The following CDH4 variants were observed in gnomAD, a reference collection of about 807,000 sequenced individuals.
CDH4 encodes cadherin 4.
Under a neutral mutation model 86.0 loss-of-function variants are expected in CDH4, and 33 were observed. The observed-to-expected ratio is 0.38, with a 90% CI of 0.29 to 0.51. The LOEUF (loss-of-function observed/expected upper bound fraction) is 0.51. Among genes scored for constraint, CDH4 ranks in the 20% least tolerant of loss-of-function variants. The probability of loss-of-function intolerance (pLI) is 0.86; values close to 1 mark genes in which losing one functional copy is unlikely to be tolerated. For synonymous variants in CDH4, 555 were observed against 549.4 expected (o/e 1.01, Z -0.14); for missense variants, 1,114 against 1,307.4 (o/e 0.85, Z 2.28).
At chr20:61,349,131 T>C (rs78697678) in intron 2 of CDH4, among the ~76,000 whole-genome samples, 5,203 of 152,332 alleles carry the variant, frequency 0.034, 226 homozygotes, top group African/African-American at 0.095. Context: ...ACAGAGTTCC[T>C]GTCTATATGG....
intron 8 of CDH4, among the ~76,000 whole-genome samples, chr20:61,907,707 G>A (rs935870518): frequency 7.2e-5 from 11 of 152,322 alleles, no homozygotes; most frequent in African/African-American, 2.6e-4. Context: ...GCGTCTCCAG[G>A]CCTCCCCGGG....
At chr20:61,344,821 G>A (rs1485976505) in intron 2 of CDH4, among the ~76,000 whole-genome samples, 1 of 152,172 alleles carries the variant, frequency 6.6e-6, no homozygotes, top group African/African-American at 2.4e-5. Flanking sequence ...GCTTTCCTAA[G>A]ATTAAAATTG....
intron 4 of CDH4, among the ~76,000 whole-genome samples, chr20:61,836,688 C>CTA (rs1568841701): frequency 1.6e-4 from 25 of 151,968 alleles, no homozygotes; most frequent in Non-Finnish European, 3.5e-4. Context: ...AAGTGAGAAC[C>CTA]CTTACTTGGC....
rs548303577 is a variant in CDH4, at chr20:61,254,690, G to T, written c.58-136G>T. ...AGCAGAGGAGCAGACGGGGTATCGCGTCTGGGTGGAGACGGTGGCCTGCCA... is the reference window on the plus strand; with the variant it reads ...AGCAGAGGAGCAGACGGGGTATCGCTTCTGGGTGGAGACGGTGGCCTGCCA... On this transcript the variant is annotated intron_variant, in intron 1 of 15. Transcript: ENST00000614565. The T allele has an allele frequency of 7.3e-6, 5 of 684,090 alleles. No homozygotes were observed. In the South Asian group the frequency reaches 8.4e-5, roughly 12 times the overall value. The allele number at this position is 684,090 out of a possible 1,614,324, so 42.4% of individuals were successfully genotyped here. A position where few individuals can be genotyped will look rare whatever the true frequency, so the allele number is the denominator to read the frequency against.
chr20:61,539,074 G>A (rs570007148), intron 2 of CDH4, among the ~76,000 whole-genome samples: 10 of 152,282 alleles, frequency 6.6e-5, no homozygotes, highest in Non-Finnish European at 1.5e-5. Flanking sequence ...GATCCGCAGC[G>A]GGTCAGGTGG....
intron 2 of CDH4, among the ~76,000 whole-genome samples, chr20:61,351,431 T>C (rs2084711895): frequency 6.6e-6 from 1 of 152,178 alleles, no homozygotes; most frequent in Non-Finnish European, 1.5e-5. Flanking sequence ...GCATGCACGG[T>C]GGTAGGTCTT....
At chr20:61,924,582 C>A in intron 11 of CDH4, 106 bp downstream of exon 11, 1 of 1,290,192 alleles carries the variant, frequency 7.8e-7, no homozygotes, top group Non-Finnish European at 1.1e-6. Context: ...GGCCAGCAGG[C>A]ATCCAGAGGG....
intron 2 of CDH4, among the ~76,000 whole-genome samples, chr20:61,515,814 C>T (rs2085814591): frequency 1.3e-5 from 2 of 152,168 alleles, no homozygotes; most frequent in Non-Finnish European, 2.9e-5. Flanking sequence ...CGGAAATCTA[C>T]TCTCCTAGCT....
At position 61,933,019 on chromosome 20, in the gene CDH4, G is replaced by T. The variant is rs772628832; in HGVS notation, c.2274G>T (p.Arg758=). ...MVLLFVMWMK[R]REKERHTKQL... ...TGCTGTTTGTCATGTGGATGAAGCG[G>T]CGAGAGAAGGAGCGCCACACGAAGC... The change falls in exon 14 of 16, where the codon CGG becomes CGT. Residue 758 remains arginine (R), a synonymous_variant. Transcript: ENST00000614565. 1 of 1,613,206 alleles carries T rather than the reference G, an allele frequency of 6.2e-7. No homozygotes were observed. Among genetic ancestry groups the T allele is most frequent in the East Asian group, 2.2e-5 (1 of 44,886 alleles).
At chr20:61,520,737 C>T (rs2085862925) in intron 2 of CDH4, among the ~76,000 whole-genome samples, 1 of 152,182 alleles carries the variant, frequency 6.6e-6, no homozygotes. Context: ...CCAAGGCTTC[C>T]AGGCCCCGGA....
intron 8 of CDH4, among the ~76,000 whole-genome samples, chr20:61,899,676 C>G (rs1370286586): frequency 1.3e-5 from 2 of 152,182 alleles, no homozygotes; most frequent in East Asian, 3.9e-4. Context: ...ATCCGCCCAC[C>G]TCGGCCTCCC....
At chr20:61,397,962 G>A (rs1286141224) in intron 2 of CDH4, among the ~76,000 whole-genome samples, 1 of 152,136 alleles carries the variant, frequency 6.6e-6, no homozygotes. Flanking sequence ...GGCCTGACCT[G>A]CCCGATGGAG....
intron 4 of CDH4, among the ~76,000 whole-genome samples, chr20:61,780,451 C>G (rs545888171): frequency 3.3e-4 from 51 of 152,336 alleles, no homozygotes; most frequent in Middle Eastern, 3.4e-3. Context: ...CTGCACCCCC[C>G]ACTAAACCTA....
In CDH4 at chr20:61,616,967, G is replaced by A. The variant is rs543859860; in HGVS notation, c.170-126596G>A. ...GGGGTGACTGGACCGGGTGCTGTGC[G>A]AAGGTGTCTCAGTGGAAAACAGAGG... On this transcript the variant is annotated intron_variant, in intron 2 of 15. Transcript: ENST00000614565. Among the ~76,000 whole-genome samples, 127 of 152,302 alleles carry A rather than the reference G, an allele frequency of 8.3e-4. 4 individuals are homozygous for A. In the South Asian group the frequency reaches 0.024, roughly 29 times the overall value.
At position 61,541,824 on chromosome 20, in the gene CDH4, C is replaced by T. The variant is rs2145656736; in HGVS notation, c.170-201739C>T. Reference sequence around the variant, plus strand: ...CCAGTGAGTGTGCCAGGATCCCTCTCTCTCCTGAGGACTTGGGGTTGTGTG... The same window carrying T: ...CCAGTGAGTGTGCCAGGATCCCTCTTTCTCCTGAGGACTTGGGGTTGTGTG... On this transcript the variant is annotated intron_variant, in intron 2 of 15. Transcript: ENST00000614565. Among the ~76,000 whole-genome samples, 3 of 152,310 alleles carry T rather than the reference C, an allele frequency of 2.0e-5. No homozygotes were observed. In the South Asian group the frequency reaches 6.2e-4, roughly 32 times the overall value.
At chr20:61,629,349 T>A (rs927603262) in intron 2 of CDH4, among the ~76,000 whole-genome samples, 7 of 151,954 alleles carry the variant, frequency 4.6e-5, no homozygotes, top group African/African-American at 1.7e-4. Flanking sequence ...CAGGGAGAGC[T>A]GGAGACAGAT....
At chr20:61,478,220 C>T (rs751856425) in intron 2 of CDH4, among the ~76,000 whole-genome samples, 1 of 152,064 alleles carries the variant, frequency 6.6e-6, no homozygotes, top group Non-Finnish European at 1.5e-5. Flanking sequence ...TGCAGCAGAG[C>T]GAGAAGGCAG....
At position 61,729,217 on chromosome 20, in the gene CDH4, C is replaced by G. The variant is rs112719847; in HGVS notation, c.170-14346C>G. ...ATTTGCCACTATTATTCTCTGCTCA[C>G]TCCTGTGTTGGCGTGAGTGGGAGGA... On this transcript the variant is annotated intron_variant, in intron 2 of 15. Coordinates refer to ENST00000614565, the MANE Select transcript of CDH4 (RefSeq NM_001794.5). Among the ~76,000 whole-genome samples the G allele has an allele frequency of 1.9e-3, 283 of 152,304 alleles. 1 individual carries two copies. The highest frequency in any genetic ancestry group is 6.4e-3 in the African/African-American group (268 of 41,584).
At chr20:61,447,549 T>G (rs548778396) in intron 2 of CDH4, among the ~76,000 whole-genome samples, 114 of 151,888 alleles carry the variant, frequency 7.5e-4, no homozygotes, top group Non-Finnish European at 9.4e-4. Flanking sequence ...CCATTTCACT[T>G]TTTAATCATT....
Sources: allele counts gnomAD v4.1 joint callset (sites outside exome capture counted in the v4.1 genomes callset), GRCh38; gene constraint gnomAD v4.1.1; transcripts MANE v1.5; gene names NCBI Gene and HGNC (gene_info 2026-07-23, HGNC 2026-07-21).